Variants in BDP1 observed in about 807,000 individuals in gnomAD.
The protein encoded by BDP1 is transcription factor TFIIIB component B'' homolog.
BDP1 carries 169 observed loss-of-function variants against 266.6 expected under a neutral mutation model. The observed-to-expected ratio is 0.63, with a 90% CI of 0.56 to 0.72. The LOEUF (loss-of-function observed/expected upper bound fraction) is 0.72. Ranked by LOEUF, BDP1 falls within the 30% of genes least tolerant of loss-of-function variation. BDP1 has a pLI of 0.00. For synonymous variants in BDP1, 1,090 were observed against 1,022.4 expected, an observed-to-expected ratio of 1.07 and a Z score of -1.26; for missense variants, 3,015 against 3,053.8, an observed-to-expected ratio of 0.99 and a Z score of 0.30.
chr5:71,559,946 A>G (rs1378399884), intron 36 of BDP1, 36 bp from the exon 37 acceptor site: 11 of 1,605,214 alleles, frequency 6.9e-6, no homozygotes, highest in Non-Finnish European at 9.3e-6. Context: ...TATTAACTTC[A>G]GTATCCTTGC....
chr5:71,490,875 G>A (rs934146596), intron 10 of BDP1, 109 bp from the exon 11 acceptor site: 3 of 1,120,598 alleles, frequency 2.7e-6, no homozygotes, highest in African/African-American at 3.2e-5. Context: ...GGACTTGAAT[G>A]TTGCTTAAGG....
At chr5:71,559,047 G>C (rs191408042) in intron 36 of BDP1, among the ~76,000 whole-genome samples, 62 of 151,636 alleles carry the variant, frequency 4.1e-4, no homozygotes, top group African/African-American at 1.4e-3. Context: ...CCAGCTACTC[G>C]GGAGGCTGAG....
At chr5:71,559,280 C>T (rs1743457217) in intron 36 of BDP1, among the ~76,000 whole-genome samples, 1 of 152,178 alleles carries the variant, frequency 6.6e-6, no homozygotes, top group Non-Finnish European at 1.5e-5. Flanking sequence ...AAGATTGCTC[C>T]CATCCATCTG....
intron 22 of BDP1, among the ~76,000 whole-genome samples, chr5:71,520,923 T>C (rs1314314071): frequency 1.3e-5 from 2 of 152,102 alleles, no homozygotes; most frequent in African/African-American, 4.8e-5. Flanking sequence ...GCATGGTGGC[T>C]CACACCTGTA....
rs1322231156 is a variant in BDP1 at position 71,564,863 on chromosome 5, T to C, written c.7853T>C (p.Ile2618Thr). Reference sequence around the variant, plus strand: ...GAATATTTCTTCAATGATATCTTCATTGAAGTGGATGAAACAGAATAAAAC... The same window carrying C: ...GAATATTTCTTCAATGATATCTTCACTGAAGTGGATGAAACAGAATAAAAC... The part of the protein sequence containing the change: ...VSEYFFNDIF[I>T]EVDETE Residue 2618 changes from isoleucine to threonine, a missense_variant, in exon 39 of 39, where the codon ATT becomes ACT. Physicochemically the swap from Ile to Thr is moderately conservative, Grantham distance 89. Coordinates refer to ENST00000358731, the MANE Select transcript of BDP1 (RefSeq NM_018429.3). 2.5e-6 allele frequency: 4 copies of C among 1,605,908 alleles called. No homozygotes were observed. Among genetic ancestry groups the C allele is most frequent in the Admixed American group, 3.4e-5 (2 of 58,116 alleles).
At chr5:71,548,067 G>A (rs1010408661) in intron 32 of BDP1, among the ~76,000 whole-genome samples, 3 of 152,130 alleles carry the variant, frequency 2.0e-5, no homozygotes, top group African/African-American at 7.2e-5. Flanking sequence ...TGGATCACTT[G>A]AGCCCAGGAG....
At chr5:71,538,271 TC>T (rs1190757061) in intron 26 of BDP1, among the ~76,000 whole-genome samples, 1 of 152,176 alleles carries the variant, frequency 6.6e-6, no homozygotes, top group East Asian at 1.9e-4. Flanking sequence ...TCTGTACTTT[TC>T]TTGTGATGTC....
chr5:71,462,377 G>T (rs1296553695), intron 3 of BDP1, among the ~76,000 whole-genome samples: 4 of 152,164 alleles, frequency 2.6e-5, no homozygotes, highest in African/African-American at 4.8e-5. Context: ...CTTTTAAATA[G>T]AATTTCATAA....
chr5:71,490,619 G>A (rs538144728), intron 10 of BDP1, among the ~76,000 whole-genome samples: 7 of 152,110 alleles, frequency 4.6e-5, no homozygotes, highest in Non-Finnish European at 1.0e-4. Context: ...GGTTCCTGCC[G>A]CTTAGTAAGT....
rs773009538 is a variant in BDP1, at chr5:71,542,302, T to C, written c.6412+37T>C. 2.4e-5 allele frequency: 36 copies of C among 1,520,362 alleles called. No homozygotes were observed. In the South Asian group the frequency reaches 4.2e-4, roughly 18 times the overall value. The allele number at this position is 1,520,362 out of a possible 1,614,324, so 94.2% of individuals were successfully genotyped here. ...TCTCTTAATATGTTGCAAAATCATT[T>C]TGACACAAGAAATTACATTAACATT... On this transcript the variant is annotated intron_variant, in intron 30 of 38. Coordinates refer to ENST00000358731, the MANE Select transcript of BDP1 (RefSeq NM_018429.3).
In BDP1 at chr5:71,476,729, A is replaced by G. The variant is rs937689144; in HGVS notation, c.1014+6240A>G. ...GCTAATTTTCTTTTTTTTGAGATGG[A>G]GTCTCGCTCTGTCACCCAGGCTGGA... On this transcript the variant is annotated intron_variant, in intron 7 of 38. Transcript: ENST00000358731. Among the ~76,000 whole-genome samples, 59 of 151,420 alleles carry G rather than the reference A, an allele frequency of 3.9e-4. 2 individuals carry two copies. Among genetic ancestry groups the G allele is most frequent in the African/African-American group, 1.3e-3 (53 of 41,240 alleles).
Position 71,515,094 on chromosome 5 carries a change from C to A in BDP1, c.4621C>A (p.Gln1541Lys). 3 of 1,600,780 alleles carry A rather than the reference C, an allele frequency of 1.9e-6. No homozygotes were observed. Among genetic ancestry groups the A allele is most frequent in the Admixed American group, 3.5e-5 (2 of 56,442 alleles). The change falls in exon 20 of 39, where the codon CAG becomes AAG. Residue 1541 changes from glutamine (Q) to lysine (K), a missense_variant. Gln to Lys is a moderately conservative substitution (Grantham distance 53). Transcript: ENST00000358731. Reference sequence around the variant, plus strand: ...AGAGGAGTCTCAGTCAGCACCAGTCCAGAAAAATGACTCAGTTGTTTCTGT... The same window carrying A: ...AGAGGAGTCTCAGTCAGCACCAGTCAAGAAAAATGACTCAGTTGTTTCTGT... ...PKEESQSAPVQKNDSVVSVGT... is the reference protein window; with the variant it reads ...PKEESQSAPVKKNDSVVSVGT...
intron 4 of BDP1, among the ~76,000 whole-genome samples, chr5:71,464,739 A>G (rs1287481764): frequency 1.8e-4 from 7 of 39,106 alleles, no homozygotes; most frequent in Admixed American, 9.8e-4. Flanking sequence ...TTTTTTTTTG[A>G]GATGGAGTCT....
At chr5:71,476,876 C>T (rs959528428) in intron 7 of BDP1, among the ~76,000 whole-genome samples, 7 of 152,098 alleles carry the variant, frequency 4.6e-5, no homozygotes, top group Admixed American at 1.3e-4. Flanking sequence ...GCTAATTTTT[C>T]GTATTTTTAG....
Position 71,521,804 on chromosome 5 carries a change from G to A in BDP1, c.4992-485G>A, listed in dbSNP as rs923125870. On this transcript the variant is annotated intron_variant, in intron 22 of 38. Coordinates refer to ENST00000358731, the MANE Select transcript of BDP1 (RefSeq NM_018429.3). Reference sequence around the variant, plus strand: ...TAAACCCTTTTTAGTGAGAGTTCAGGCATCTGTTAGGAGAATAGACTCTAC... The same window carrying A: ...TAAACCCTTTTTAGTGAGAGTTCAGACATCTGTTAGGAGAATAGACTCTAC... Among the ~76,000 whole-genome samples, 4 of 152,256 alleles carry A rather than the reference G, an allele frequency of 2.6e-5. No homozygotes were observed. In the East Asian group the frequency reaches 7.7e-4, roughly 29 times the overall value.
intron 7 of BDP1, 21 bp from the exon 8 acceptor site, chr5:71,483,821 A>G (rs1307729200): frequency 5.1e-6 from 8 of 1,583,894 alleles, no homozygotes; most frequent in Middle Eastern, 1.8e-4. Flanking sequence ...AAATTACCAT[A>G]GGGTTTTTTG....
intron 25 of BDP1, among the ~76,000 whole-genome samples, chr5:71,527,939 C>T (rs1765992012): frequency 6.6e-6 from 1 of 151,898 alleles, no homozygotes; most frequent in South Asian, 2.1e-4. Flanking sequence ...CTGCCTCAGC[C>T]TCCCAAGAAG....
At chr5:71,474,863 A>G (rs1344567537) in intron 7 of BDP1, among the ~76,000 whole-genome samples, 3 of 148,242 alleles carry the variant, frequency 2.0e-5, no homozygotes, top group Non-Finnish European at 3.0e-5. Flanking sequence ...AAAAAAATAT[A>G]TGATCCACCC....
rs182784327 is a variant in BDP1, at chr5:71,501,270, C to T, written c.1957-292C>T. On this transcript the variant is annotated intron_variant, in intron 13 of 38. Coordinates refer to ENST00000358731, the MANE Select transcript of BDP1 (RefSeq NM_018429.3). ...GGCTCACTGCAACCTCTACCTTTTGCGTTCAAAGAATTCTCCTGCCTTAGC... is the reference window on the plus strand; with the variant it reads ...GGCTCACTGCAACCTCTACCTTTTGTGTTCAAAGAATTCTCCTGCCTTAGC... 3.2e-3 allele frequency among the ~76,000 whole-genome samples: 482 copies of T among 152,128 alleles called. 1 individual carries two copies. Among genetic ancestry groups the T allele is most frequent in the South Asian group, 5.0e-3 (24 of 4,820 alleles).
Sources: allele counts gnomAD v4.1 joint callset (sites outside exome capture counted in the v4.1 genomes callset), GRCh38; gene constraint gnomAD v4.1.1; transcripts MANE v1.5; gene names NCBI Gene and HGNC (gene_info 2026-07-23, HGNC 2026-07-21).